ASXL2: variants seen among roughly 807,000 people sequenced by gnomAD.
ASXL2 encodes putative Polycomb group protein ASXL2.
In ASXL2, 23 loss-of-function variants were observed where a neutral mutation model predicts 122.0. The observed-to-expected ratio is 0.19, with a 90% CI of 0.14 to 0.27. ASXL2 has a LOEUF of 0.27. Ranked by LOEUF, ASXL2 falls within the 10% of genes least tolerant of loss-of-function variation. The probability of loss-of-function intolerance (pLI) is 1.00; values close to 1 mark genes in which losing one functional copy is unlikely to be tolerated. For synonymous variants in ASXL2, 650 were observed against 637.0 expected (o/e 1.02, Z -0.31); for missense variants, 1,518 against 1,713.8 (o/e 0.89, Z 2.02).
In ASXL2 at chr2:25,799,443, G is replaced by T; in HGVS notation, c.345C>A (p.Ser115Arg). Residue 115 changes from serine (S) to arginine (R), a missense_variant, in exon 5 of 13, where the codon AGC (serine) becomes AGA (arginine). Coordinates refer to ENST00000435504, the MANE Select transcript of ASXL2 (RefSeq NM_018263.6). Reference protein sequence around the residue: ...QSDSQSSENSSSSSDGGSNKE... With the variant: ...QSDSQSSENSRSSSDGGSNKE... ...TGTTGCTGCCACCATCACTGCTGCT[G>T]CTGCTGTTCTCAGAACTCTGGGAAT... is the stretch of plus-strand genomic sequence containing the variant. 2.5e-6 allele frequency: 4 copies of T among 1,613,904 alleles called. No individual in the cohort carries two copies. The highest frequency in any genetic ancestry group is 1.3e-5 in the African/African-American group (1 of 75,040).
chr2:25,856,411 G>C, intron 1 of ASXL2: 1 of 587,864 alleles, frequency 1.7e-6, no homozygotes, highest in Non-Finnish European at 3.2e-6. Context: ...TCAGGAAGCA[G>C]GTCTGGAAGA....
At position 25,832,826 on chromosome 2, in the gene ASXL2, G is replaced by A. The variant is rs753467090; in HGVS notation, c.143+2712C>T. Among the ~76,000 whole-genome samples the A allele has an allele frequency of 2.6e-5, 4 of 152,142 alleles. No individual in the cohort carries two copies. In the East Asian group the frequency reaches 5.8e-4, roughly 22 times the overall value. On this transcript the variant is annotated intron_variant, in intron 3 of 12. Transcript: ENST00000435504. ...GATAAACAGTTAGAAACGGTCGCAC[G>A]TCCATGTCAAAGAATACTACTCGGC...
intron 7 of ASXL2, among the ~76,000 whole-genome samples, chr2:25,768,479 G>A (rs2088390744): frequency 6.6e-6 from 1 of 151,992 alleles, no homozygotes; most frequent in South Asian, 2.1e-4. Context: ...AATTTTCTGT[G>A]TTGTTGTTGA....
intron 5 of ASXL2, among the ~76,000 whole-genome samples, chr2:25,781,701 G>T: frequency 1.5e-5 from 2 of 131,202 alleles, no homozygotes; most frequent in Non-Finnish European, 1.6e-5. Flanking sequence ...CAGAGTCATT[G>T]CTCTGTTGCC....
At chr2:25,754,876 A>G (rs1022662287) in intron 10 of ASXL2, among the ~76,000 whole-genome samples, 1 of 152,142 alleles carries the variant, frequency 6.6e-6, no homozygotes, top group Non-Finnish European at 1.5e-5. Flanking sequence ...TAGGAAAGAG[A>G]AAGGACAAAG....
chr2:25,741,655 TC>T lies in ASXL2; in HGVS notation c.*373del. 1 of 255,794 alleles carries T rather than the reference TC, an allele frequency of 3.9e-6. No individual in the cohort carries two copies. The highest frequency in any genetic ancestry group is 5.6e-5 in the East Asian group (1 of 17,798). 15.8% of individuals were successfully genotyped at this position (255,794 alleles called of 1,614,324 possible). ...AGGAAATGTCAGAAGGGAGACAGCTTCCTTTTACCATGCCGGCATTAAACTT... is the reference window on the plus strand; with the variant it reads ...AGGAAATGTCAGAAGGGAGACAGCTTCTTTTACCATGCCGGCATTAAACTT... On this transcript the variant is annotated 3_prime_UTR_variant, in exon 13 of 13. Transcript: ENST00000435504.
At position 25,759,535 on chromosome 2, in the gene ASXL2, G is replaced by A. The variant is rs766491674; in HGVS notation, c.886C>T (p.Pro296Ser). 5 of 1,613,852 alleles carry A rather than the reference G, an allele frequency of 3.1e-6. No homozygotes were observed. The highest frequency in any genetic ancestry group is 4.5e-5 in the East Asian group (2 of 44,888). The change falls in exon 9 of 13, where the codon CCT becomes TCT. Residue 296 changes from proline (P) to serine (S), a missense_variant. This residue lies in a region of ASXL2 where 92 missense variants were observed against 156.6 expected (regional missense o/e 0.59). Transcript: ENST00000435504. ...AGCAGTCGTTGCTGGCAATCTCCAG[G>A]AAGGACTGAAAATGTGTGCTTGTTG... is the stretch of plus-strand genomic sequence containing the variant. ...LINKHTFSVLPGDCQQRLLLL... is the reference protein window; with the variant it reads ...LINKHTFSVLSGDCQQRLLLL...
At chr2:25,858,791 G>A (rs578007850) in intron 1 of ASXL2, among the ~76,000 whole-genome samples, 1 of 151,204 alleles carries the variant, frequency 6.6e-6, no homozygotes, top group South Asian at 2.1e-4. Context: ...GACAAATAAA[G>A]TGAACGTAAG....
intron 5 of ASXL2, among the ~76,000 whole-genome samples, chr2:25,779,481 A>G (rs1412067152): frequency 1.3e-5 from 2 of 152,100 alleles, no homozygotes; most frequent in Non-Finnish European, 1.5e-5. Flanking sequence ...TTTGCTTAGT[A>G]CTATATAGTT....
At chr2:25,749,656 C>A in intron 12 of ASXL2, 40 bp downstream of exon 12, 1 of 1,452,942 alleles carries the variant, frequency 6.9e-7, no homozygotes, top group South Asian at 1.6e-5. Flanking sequence ...ACATAGGGTT[C>A]AGACGATCTC....
chr2:25,760,128 C>T (rs556249956), intron 8 of ASXL2, among the ~76,000 whole-genome samples: 1 of 151,262 alleles, frequency 6.6e-6, no homozygotes, highest in East Asian at 1.9e-4. Flanking sequence ...GGAAATCTGT[C>T]CACAACCAGA....
intron 10 of ASXL2, among the ~76,000 whole-genome samples, chr2:25,753,921 A>C (rs2088089024): frequency 6.6e-6 from 1 of 151,930 alleles, no homozygotes; most frequent in Admixed American, 6.6e-5. Context: ...CAAGCATCAC[A>C]CTCCATACAG....
chr2:25,818,190 ACTTACTATAC>A (rs1167726082), intron 3 of ASXL2, among the ~76,000 whole-genome samples: 3 of 152,178 alleles, frequency 2.0e-5, no homozygotes, highest in African/African-American at 7.2e-5. Flanking sequence ...TTGACCAATG[ACTTACTATAC>A]CTCAAATCCT....
At chr2:25,842,005 G>A (rs1381902526) in intron 2 of ASXL2, among the ~76,000 whole-genome samples, 2 of 150,798 alleles carry the variant, frequency 1.3e-5, no homozygotes, top group African/African-American at 2.4e-5. Flanking sequence ...CCAGCTACTC[G>A]GGAGGCTGAG....
In ASXL2 at chr2:25,871,654, C is replaced by T. The variant is rs369017084; in HGVS notation, c.57+6512G>A. Among the ~76,000 whole-genome samples the T allele has an allele frequency of 5.3e-3, 812 of 152,302 alleles. 2 individuals are homozygous for T. The highest frequency in any genetic ancestry group is 8.1e-3 in the Non-Finnish European group (549 of 68,036). ...TTGCCCAGGCTGGAGTGCAATGGCA[C>T]GATCTCGGCTCACCGCAACCTCCGC... On this transcript the variant is annotated intron_variant, in intron 1 of 12. Transcript: ENST00000435504.
At chr2:25,772,778 G>A (rs79923031) in intron 5 of ASXL2, among the ~76,000 whole-genome samples, 180 of 144,994 alleles carry the variant, frequency 1.2e-3, no homozygotes, top group African/African-American at 4.2e-3. Context: ...TCTGTAGCTA[G>A]CTACCGGACA....
intron 6 of ASXL2, among the ~76,000 whole-genome samples, chr2:25,769,500 G>C (rs1487513618): frequency 2.0e-5 from 3 of 152,098 alleles, no homozygotes; most frequent in Non-Finnish European, 4.4e-5. Flanking sequence ...TCTAACAACA[G>C]TGTGGTTCCT....
At chr2:25,810,557 C>A (rs2089152916) in intron 3 of ASXL2, 2 of 721,752 alleles carry the variant, frequency 2.8e-6, no homozygotes, top group Non-Finnish European at 5.0e-6. Flanking sequence ...CCTTCAGCTT[C>A]TCGCTGGAGG....
chr2:25,821,394 G>GA lies in ASXL2; in HGVS notation c.143+14143dup, dbSNP rs987484502. ...AAGGGGAAAGGGAAAGGAAAGGAGG[G>GA]AAAAAAAAAAAGGAAAATGAGGTGG... is the stretch of plus-strand genomic sequence containing the variant. On this transcript the variant is annotated intron_variant, in intron 3 of 12. Coordinates refer to ENST00000435504, the MANE Select transcript of ASXL2 (RefSeq NM_018263.6). Among the ~76,000 whole-genome samples the GA allele has an allele frequency of 7.2e-4, 99 of 137,692 alleles. 1 individual carries two copies. The highest frequency in any genetic ancestry group is 2.8e-3 in the South Asian group (12 of 4,292). 90.3% of individuals were successfully genotyped at this position (137,692 alleles called of 152,430 possible). A position where few individuals can be genotyped will look rare whatever the true frequency, so the allele number is the denominator to read the frequency against.
Sources: allele counts gnomAD v4.1 joint callset (sites outside exome capture counted in the v4.1 genomes callset), GRCh38; gene constraint gnomAD v4.1.1; regional missense constraint gnomAD v4.1.1; transcripts MANE v1.5; gene names NCBI Gene and HGNC (gene_info 2026-07-23, HGNC 2026-07-21).